Variants in INTS9 observed in about 807,000 individuals in gnomAD.
INTS9 encodes the protein integrator complex subunit 9.
Under a neutral mutation model 79.7 loss-of-function variants are expected in INTS9, and 55 were observed. The ratio of observed to expected loss-of-function variants is 0.69; its 90% CI spans 0.56 to 0.86. The LOEUF is 0.86. INTS9 is among the 40% of genes least tolerant of loss of function. The pLI is 0.00. For synonymous variants in INTS9, 319 were observed against 325.2 expected, an observed-to-expected ratio of 0.98 and a Z score of 0.20; for missense variants, 721 against 831.5, an observed-to-expected ratio of 0.87 and a Z score of 1.64.
intron 1 of INTS9, chr8:28,862,236 A>G (rs1266909110): frequency 8.1e-6 from 8 of 982,432 alleles, no homozygotes; most frequent in Admixed American, 6.1e-5. Context: ...CCAGTAAGTA[A>G]TTATGGAAAT....
At chr8:28,879,627 C>T (rs1809586157) in intron 1 of INTS9, among the ~76,000 whole-genome samples, 1 of 152,072 alleles carries the variant, frequency 6.6e-6, no homozygotes, top group African/African-American at 2.4e-5. Flanking sequence ...AACTTATGTC[C>T]ACACAGTCAT....
intron 1 of INTS9, among the ~76,000 whole-genome samples, chr8:28,877,646 A>G (rs1433570595): frequency 1.3e-5 from 2 of 152,228 alleles, no homozygotes; most frequent in Non-Finnish European, 2.9e-5. Context: ...AACAATGTTA[A>G]TTGATAGAAG....
rs1394429001 is a variant in INTS9 at position 28,859,487 on chromosome 8, C to A, written c.86G>T (p.Gly29Val). 1.2e-6 allele frequency: 2 copies of A among 1,614,150 alleles called. No individual in the cohort carries two copies. The highest frequency in any genetic ancestry group is 4.5e-5 in the East Asian group (2 of 44,886). The change falls in exon 2 of 17, where the codon GGA becomes GTA. Residue 29 changes from glycine to valine, a missense_variant. Transcript: ENST00000521022. ...ATTGAGGGTAGAAGTCATGTCCAGT[C>A]CGCAGTCCAACATAATGGTGGTTGA... Reference protein sequence around the residue: ...FKSTTIMLDCGLDMTSTLNFL... With the variant: ...FKSTTIMLDCVLDMTSTLNFL...
rs766225171 is a variant in INTS9, at chr8:28,835,380, T to C, written c.402-2A>G. 2.5e-6 allele frequency: 4 copies of C among 1,611,608 alleles called. No individual in the cohort carries two copies. The highest frequency in any genetic ancestry group is 3.4e-6 in the Non-Finnish European group (4 of 1,178,130). The stretch of plus-strand genomic sequence containing the variant: ...TTCACCAGCTCTTCCATGAGAAGCC[T>C]GAGTTTAAACAAAACAAGTGAGGAA... On this transcript the variant is annotated splice_acceptor_variant, in intron 5 of 16. Coordinates refer to ENST00000521022, the MANE Select transcript of INTS9 (RefSeq NM_018250.4). LOFTEE classifies it high-confidence loss of function.
chr8:28,814,756 T>C lies in INTS9; in HGVS notation c.489-1144A>G, dbSNP rs531841239. Among the ~76,000 whole-genome samples, 10 of 152,244 alleles carry C rather than the reference T, an allele frequency of 6.6e-5. 1 individual carries two copies. In the East Asian group the frequency reaches 1.9e-3, roughly 29 times the overall value. ...AGAGGAACAATGTTCCTCTCCTCAT[T>C]TGGCTGCCAAAGCACTATGAGTAAG... On this transcript the variant is annotated intron_variant, in intron 6 of 16. Transcript: ENST00000521022.
chr8:28,877,515 A>G (rs1250194163), intron 1 of INTS9, among the ~76,000 whole-genome samples: 1 of 152,200 alleles, frequency 6.6e-6, no homozygotes, highest in Non-Finnish European at 1.5e-5. Flanking sequence ...TTAATAAAAA[A>G]TGCATATACC....
chr8:28,781,343 C>T (rs995375935), intron 11 of INTS9, among the ~76,000 whole-genome samples: 2 of 152,164 alleles, frequency 1.3e-5, no homozygotes, highest in Admixed American at 1.3e-4. Flanking sequence ...TACCACTATA[C>T]ACCTGTTATA....
chr8:28,777,216 G>A (rs1233271101), intron 13 of INTS9, among the ~76,000 whole-genome samples: 6 of 151,996 alleles, frequency 3.9e-5, no homozygotes, highest in Admixed American at 2.6e-4. Context: ...GCTCTTCCTC[G>A]CCGGTGTCAG....
intron 11 of INTS9, among the ~76,000 whole-genome samples, chr8:28,782,706 A>G (rs1377592317): frequency 6.6e-6 from 1 of 152,246 alleles, no homozygotes; most frequent in Admixed American, 6.5e-5. Context: ...GCTTGAGCCC[A>G]GAAGTTTGAG....
intron 10 of INTS9, among the ~76,000 whole-genome samples, chr8:28,789,384 C>G (rs955754762): frequency 2.0e-5 from 3 of 152,166 alleles, no homozygotes; most frequent in Non-Finnish European, 4.4e-5. Context: ...GGGACCCACC[C>G]CCTTTCTAAG....
At chr8:28,786,923 T>C (rs1385982620) in intron 11 of INTS9, among the ~76,000 whole-genome samples, 1 of 152,122 alleles carries the variant, frequency 6.6e-6, no homozygotes, top group Non-Finnish European at 1.5e-5. Context: ...TTCACTGTGT[T>C]AGCCAGGATG....
At chr8:28,796,917 G>C (rs543299421) in intron 8 of INTS9, 2 of 347,378 alleles carry the variant, frequency 5.8e-6, no homozygotes, top group Non-Finnish European at 1.1e-5. Flanking sequence ...TCAAAATTCA[G>C]TATTACACAT....
rs59102764 is a variant in INTS9, at chr8:28,788,324, T to G, written c.1038-435A>C. ...TTTTCCAATCATGTCCCTTTTCTGT[T>G]CCAGGATCCAATCCGTGGTATCATA... On this transcript the variant is annotated intron_variant, in intron 10 of 16. Coordinates refer to ENST00000521022, the MANE Select transcript of INTS9 (RefSeq NM_018250.4). 8.9e-3 allele frequency among the ~76,000 whole-genome samples: 1,352 copies of G among 152,320 alleles called. 19 individuals carry two copies. The highest frequency in any genetic ancestry group is 0.03 in the African/African-American group (1,230 of 41,566).
intron 1 of INTS9, among the ~76,000 whole-genome samples, chr8:28,883,658 G>A (rs963814077): frequency 6.6e-6 from 1 of 152,166 alleles, no homozygotes; most frequent in Non-Finnish European, 1.5e-5. Context: ...CTCTAATCAG[G>A]ACATTCAATG....
chr8:28,883,299 T>C (rs921849104), intron 1 of INTS9, among the ~76,000 whole-genome samples: 1 of 152,244 alleles, frequency 6.6e-6, no homozygotes, highest in Non-Finnish European at 1.5e-5. Context: ...GCACCATATT[T>C]TTATCTGAAG....
intron 10 of INTS9, among the ~76,000 whole-genome samples, chr8:28,790,692 A>G (rs892999685): frequency 1.3e-5 from 2 of 152,126 alleles, no homozygotes; most frequent in Non-Finnish European, 2.9e-5. Flanking sequence ...AATGACCCCA[A>G]AAATGCAGGC....
intron 6 of INTS9, among the ~76,000 whole-genome samples, chr8:28,828,984 GTTTTC>G (rs903428755): frequency 6.6e-6 from 1 of 152,052 alleles, no homozygotes; most frequent in African/African-American, 2.4e-5. Flanking sequence ...CGCCCAGCCA[GTTTTC>G]TTTTAAGTCT....
rs1229249784 is a variant in INTS9 at position 28,796,547 on chromosome 8, G to C, written c.853C>G (p.Leu285Val). 6.3e-7 allele frequency: 1 copy of C among 1,588,276 alleles called. No individual in the cohort carries two copies. The highest frequency in any genetic ancestry group is 1.7e-5 in the Admixed American group (1 of 59,972). Residue 285 changes from leucine (L) to valine (V), a missense_variant, in exon 9 of 17, where the codon CTA becomes GTA. Physicochemically the swap from Leu to Val is conservative, Grantham distance 32. Coordinates refer to ENST00000521022, the MANE Select transcript of INTS9 (RefSeq NM_018250.4). ...DGMVGEFCSN[L>V]ALTVRNGGNV... ...AAGATGAGAGACGGTTGCACACCTA[G>C]GTTGCTGCAGAACTCTCCCACCATT...
intron 11 of INTS9, 112 bp downstream of exon 11, chr8:28,787,717 G>A (rs1803694319): frequency 3.3e-6 from 2 of 598,708 alleles, no homozygotes; most frequent in African/African-American, 3.7e-5. Context: ...GGAGGCAAAG[G>A]GGTCTACAGG....
Sources: gnomAD v4.1 joint callset for allele counts (sites outside exome capture counted in the v4.1 genomes callset) on GRCh38, gnomAD v4.1.1 for gene constraint, MANE v1.5 for transcripts, NCBI Gene and HGNC (gene_info 2026-07-23, HGNC 2026-07-21) for gene names.